The following FCRL3 variants were observed in gnomAD, a reference collection of about 807,000 sequenced individuals.
FCRL3 encodes the protein Fc receptor like 3, also known as Fc receptor-like protein 3.
A neutral mutation model predicts 75.0 loss-of-function variants in FCRL3; 89 were observed. The ratio of observed to expected loss-of-function variants is 1.19; its 90% CI spans 1.00 to 1.42. FCRL3 has a LOEUF of 1.42. Among genes scored for constraint, FCRL3 ranks in the 40% most tolerant of loss-of-function variants. The pLI, the probability that FCRL3 is intolerant of heterozygous loss-of-function variation, is 0.00. For missense variants in FCRL3, 946 were observed against 880.0 expected, an observed-to-expected ratio of 1.07 and a Z score of -0.95; for synonymous variants, 376 against 348.5, an observed-to-expected ratio of 1.08 and a Z score of -0.88.
chr1:157,693,073 C>T (rs1571209368), intron 8 of FCRL3, among the ~76,000 whole-genome samples: 1 of 151,704 alleles, frequency 6.6e-6, no homozygotes, highest in Non-Finnish European at 1.5e-5. Context: ...CTCAGAAGTT[C>T]GAGACCAGCC....
chr1:157,699,776 A>G, intron 2 of FCRL3, 64 bp from the exon 3 acceptor site: 1 of 1,564,164 alleles, frequency 6.4e-7, no homozygotes, highest in African/African-American at 1.4e-5. Flanking sequence ...ACCTAACCAC[A>G]ACCACTTCTT....
chr1:157,682,085 G>C (rs1163240747), intron 11 of FCRL3, among the ~76,000 whole-genome samples: 1 of 152,012 alleles, frequency 6.6e-6, no homozygotes, highest in African/African-American at 2.4e-5. Context: ...CTTTTTGATG[G>C]GGTTGTTTGT....
At position 157,680,961 on chromosome 1, in the gene FCRL3, G is replaced by T. The variant is rs1250812947; in HGVS notation, c.1957+20C>A. 2 of 1,548,826 alleles carry T rather than the reference G, an allele frequency of 1.3e-6. No individual in the cohort carries two copies. Among genetic ancestry groups the T allele is most frequent in the African/African-American group, 1.4e-5 (1 of 72,520 alleles). ...CCCTGGCTCCTCCCTAGAGCCTTCT[G>T]CCCCCTAGGGAGTCCTCACCATTGC... On this transcript the variant is annotated intron_variant, in intron 12 of 14. Coordinates refer to ENST00000368184, the MANE Select transcript of FCRL3 (RefSeq NM_052939.4).
In FCRL3 at chr1:157,676,598, T is replaced by A; in HGVS notation, c.*2112A>T. 3.0e-6 allele frequency: 3 copies of A among 998,836 alleles called. No homozygotes were observed. The highest frequency in any genetic ancestry group is 4.5e-6 in the Non-Finnish European group (3 of 668,586). The allele number at this position is 998,836 out of a possible 1,614,324, so 61.9% of individuals were successfully genotyped here. Reference sequence around the variant, plus strand: ...GATAAAAGTCAAGTAGAGCACTGCATGAGAATAATTCATTTTACAGGGCAA... The same window carrying A: ...GATAAAAGTCAAGTAGAGCACTGCAAGAGAATAATTCATTTTACAGGGCAA... On this transcript the variant is annotated 3_prime_UTR_variant, in exon 15 of 15. Transcript: ENST00000368184.
rs769289421 is a variant in FCRL3, at chr1:157,696,321, G to A, written c.851C>T (p.Pro284Leu). ...GATCTCTAGATTCACATTAGACACA[G>A]GGACTCCTGGGGGAACACAAGATGG... ...LRSQIRVQRVPVSNVNLEIRP... is the reference protein window; with the variant it reads ...LRSQIRVQRVLVSNVNLEIRP... The change falls in exon 7 of 15, where the codon CCT becomes CTT. Residue 284 changes from proline (P) to leucine (L), a missense_variant. Coordinates refer to ENST00000368184, the MANE Select transcript of FCRL3 (RefSeq NM_052939.4). The A allele has an allele frequency of 4.3e-6, 7 of 1,613,854 alleles. 2 individuals are homozygous for A. The South Asian group carries it at 7.7e-5, about 18-fold the overall frequency.
At chr1:157,692,359 C>T (rs1490471356) in intron 8 of FCRL3, among the ~76,000 whole-genome samples, 1 of 152,140 alleles carries the variant, frequency 6.6e-6, no homozygotes, top group Non-Finnish European at 1.5e-5. Flanking sequence ...CTTCTTCAGC[C>T]TCCAGAGTAG....
In FCRL3 at chr1:157,697,162, C is replaced by T. The variant is rs1467866444; in HGVS notation, c.822G>A (p.Leu274=). The change falls in exon 6 of 15, where the codon CTG becomes CTA. Residue 274 remains leucine (L), a synonymous_variant. Transcript: ENST00000368184. ...CACTCTGTACACGTATCTGAGATCTCAGGCTCCTTTTTTTGATGCTGTGAG... is the reference window on the plus strand; with the variant it reads ...CACTCTGTACACGTATCTGAGATCTTAGGCTCCTTTTTTTGATGCTGTGAG... The part of the protein sequence containing the change: ...TVTHSIKKRS[L]RSQIRVQRVP... 1 of 1,510,736 alleles carries T rather than the reference C, an allele frequency of 6.6e-7. No homozygotes were observed. 93.6% of individuals were successfully genotyped at this position (1,510,736 alleles called of 1,614,324 possible).
intron 10 of FCRL3, among the ~76,000 whole-genome samples, chr1:157,684,420 G>GA (rs1318669037): frequency 4.6e-5 from 7 of 152,100 alleles, no homozygotes; most frequent in Non-Finnish European, 7.4e-5. Context: ...TAAGCTAGAG[G>GA]GGTATGATCA....
intron 10 of FCRL3, among the ~76,000 whole-genome samples, chr1:157,686,255 C>T (rs571142806): frequency 8.2e-5 from 8 of 97,708 alleles, no homozygotes; most frequent in Admixed American, 3.6e-4. Context: ...AAGATCTCTG[C>T]GAGAAATTAA....
intron 10 of FCRL3, 71 bp from the exon 11 acceptor site, chr1:157,683,315 T>C: frequency 1.3e-6 from 2 of 1,564,342 alleles, no homozygotes; most frequent in Non-Finnish European, 1.7e-6. Context: ...TTAGAACATT[T>C]TTTCCTAGAA....
rs765611836 is a variant in FCRL3 at position 157,697,911 on chromosome 1, TCAGC to T, written c.303_306del (p.Trp101Ter). ...AAGACAGGATGTAAAGCCTGCAGGA[TCAGC>T]CAGTCTGCAAAGAGCACAGGAGCAC... On this transcript the variant is annotated frameshift_variant, in exon 5 of 15. Coordinates refer to ENST00000368184, the MANE Select transcript of FCRL3 (RefSeq NM_052939.4). LOFTEE classifies it high-confidence loss of function. The T allele has an allele frequency of 6.2e-7, 1 of 1,613,522 alleles. No homozygotes were observed. Among genetic ancestry groups the T allele is most frequent in the African/African-American group, 1.3e-5 (1 of 74,902 alleles).
intron 10 of FCRL3, among the ~76,000 whole-genome samples, chr1:157,689,519 G>T (rs1482961893): frequency 6.6e-6 from 1 of 151,948 alleles, no homozygotes; most frequent in Non-Finnish European, 1.5e-5. Flanking sequence ...GACTTTCTTA[G>T]GGAGATAGAA....
chr1:157,698,603 G>A lies in FCRL3; in HGVS notation c.79C>T (p.Leu27Phe), dbSNP rs2101627026. Residue 27 changes from leucine to phenylalanine, a missense_variant, in exon 4 of 15, where the codon CTC becomes TTC. Transcript: ENST00000368184. Reference protein sequence around the residue: ...SGVAPKAVLLLNPPWSTAFKG... With the variant: ...SGVAPKAVLLFNPPWSTAFKG... ...AAGGCTGTGGACCATGGAGGATTGA[G>A]GAGAAGTACAGCTTTTGGGGCCACC... The A allele has an allele frequency of 3.1e-6, 5 of 1,614,028 alleles. No individual in the cohort carries two copies. The East Asian group carries it at 8.9e-5, about 29-fold the overall frequency.
At position 157,700,600 on chromosome 1, in the gene FCRL3, A is replaced by C; in HGVS notation, c.-96-15T>G. 6.3e-7 allele frequency: 1 copy of C among 1,585,824 alleles called. No homozygotes were observed. The highest frequency in any genetic ancestry group is 8.6e-7 in the Non-Finnish European group (1 of 1,165,860). ...TCAGATGAGACCTGCAAGAATCAGA[A>C]AAGGGAAGAAGAGCTTAGTGTCATA... On this transcript the variant is annotated splice_polypyrimidine_tract_variant and intron_variant, in intron 1 of 14. Coordinates refer to ENST00000368184, the MANE Select transcript of FCRL3 (RefSeq NM_052939.4).
intron 13 of FCRL3, among the ~76,000 whole-genome samples, chr1:157,679,830 CAAAAAA>C (rs1166825112): frequency 4.0e-5 from 2 of 49,916 alleles, no homozygotes; most frequent in Non-Finnish European, 6.5e-5. Context: ...CCCCATCTCA[CAAAAAA>C]AAAAAAAAAA....
intron 10 of FCRL3, among the ~76,000 whole-genome samples, chr1:157,688,868 A>G (rs1655334478): frequency 6.6e-6 from 1 of 152,200 alleles, no homozygotes; most frequent in Non-Finnish European, 1.5e-5. Context: ...CCAGAAATAT[A>G]AGGCTACTTC....
intron 8 of FCRL3, among the ~76,000 whole-genome samples, chr1:157,694,773 G>A (rs1006575867): frequency 6.6e-6 from 1 of 152,110 alleles, no homozygotes; most frequent in Non-Finnish European, 1.5e-5. Context: ...GAAGGCATTT[G>A]AAAAAAGTGA....
chr1:157,693,960 C>T (rs1037309505), intron 8 of FCRL3, among the ~76,000 whole-genome samples: 10 of 152,018 alleles, frequency 6.6e-5, no homozygotes, highest in African/African-American at 2.2e-4. Context: ...ATATTGCCCA[C>T]GCTGGTCTCA....
At chr1:157,685,914 C>T (rs1230888341) in intron 10 of FCRL3, among the ~76,000 whole-genome samples, 9 of 152,030 alleles carry the variant, frequency 5.9e-5, no homozygotes, top group Non-Finnish European at 1.3e-4. Context: ...AAAAGGGACA[C>T]AACTATGCAT....
Sources: allele counts gnomAD v4.1 joint callset (sites outside exome capture counted in the v4.1 genomes callset), GRCh38; gene constraint gnomAD v4.1.1; transcripts MANE v1.5; gene names NCBI Gene and HGNC (gene_info 2026-07-23, HGNC 2026-07-21).